The following AUTS2 variants were observed in gnomAD, a reference collection of about 807,000 sequenced individuals.
AUTS2 encodes the protein activator of transcription and developmental regulator AUTS2.
AUTS2 carries 17 observed loss-of-function variants against 112.4 expected under a neutral mutation model. The ratio of observed to expected loss-of-function variants is 0.15; its 90% CI spans 0.10 to 0.23. The LOEUF (loss-of-function observed/expected upper bound fraction) is 0.23. Among genes scored for constraint, AUTS2 ranks in the 10% least tolerant of loss-of-function variants. The pLI, the probability that AUTS2 is intolerant of heterozygous loss-of-function variation, is 1.00. For synonymous variants in AUTS2, 751 were observed against 702.7 expected, an observed-to-expected ratio of 1.07 and a Z score of -1.09; for missense variants, 1,510 against 1,701.6, an observed-to-expected ratio of 0.89 and a Z score of 1.98.
intron 1 of AUTS2, 70 bp downstream of exon 1, chr7:69,600,032 G>A (rs961655014): frequency 1.3e-6 from 2 of 1,495,288 alleles, no homozygotes; most frequent in Non-Finnish European, 9.2e-7. Context: ...CGGCTCTCCT[G>A]CCTCCCTCGC....
At chr7:70,443,133 G>A (rs907174642) in intron 5 of AUTS2, among the ~76,000 whole-genome samples, 6 of 152,138 alleles carry the variant, frequency 3.9e-5, no homozygotes, top group African/African-American at 1.4e-4. Context: ...AGTTATAAAT[G>A]TACAGATTTT....
chr7:70,435,963 A>G (rs1795877358), intron 5 of AUTS2, 182 bp downstream of exon 5: 1 of 559,308 alleles, frequency 1.8e-6, no homozygotes, highest in South Asian at 4.0e-5. Flanking sequence ...AATTTGTCAG[A>G]TCTACCTTTT....
At chr7:70,730,866 C>T (rs1168510604) in intron 6 of AUTS2, among the ~76,000 whole-genome samples, 1 of 152,226 alleles carries the variant, frequency 6.6e-6, no homozygotes, top group Non-Finnish European at 1.5e-5. Context: ...TTCATTCCCA[C>T]CAACAGTGTA....
rs75247283 is a variant in AUTS2, at chr7:69,935,411, A to G, written c.522+35913A>G. 3.2e-3 allele frequency among the ~76,000 whole-genome samples: 492 copies of G among 152,328 alleles called. 3 individuals carry two copies. The highest frequency in any genetic ancestry group is 0.011 in the African/African-American group (464 of 41,562). The stretch of plus-strand genomic sequence containing the variant: ...TTAAACTAGGTGAGTAGCCTTTTCA[A>G]AATTTTTTTAGGAAGCATTATTCTG... On this transcript the variant is annotated intron_variant, in intron 2 of 18. Coordinates refer to ENST00000342771, the MANE Select transcript of AUTS2 (RefSeq NM_015570.4).
At chr7:69,626,092 G>C (rs1325694407) in intron 1 of AUTS2, among the ~76,000 whole-genome samples, 1 of 152,136 alleles carries the variant, frequency 6.6e-6, no homozygotes, top group Non-Finnish European at 1.5e-5. Context: ...GTGTTCCTGA[G>C]TAGTTGTGAC....
intron 1 of AUTS2, among the ~76,000 whole-genome samples, chr7:69,889,618 G>C (rs1794430134): frequency 6.6e-6 from 1 of 152,152 alleles, no homozygotes; most frequent in Non-Finnish European, 1.5e-5. Flanking sequence ...GTCTTCTTCG[G>C]AAAAATGTCT....
intron 5 of AUTS2, among the ~76,000 whole-genome samples, chr7:70,472,463 T>G (rs1797428158): frequency 3.9e-5 from 6 of 152,052 alleles, no homozygotes; most frequent in Non-Finnish European, 8.8e-5. Flanking sequence ...TCTACCCAGT[T>G]GCTGGGTAAA....
chr7:70,535,011 A>G (rs1442014610), intron 5 of AUTS2, among the ~76,000 whole-genome samples: 1 of 150,304 alleles, frequency 6.7e-6, no homozygotes. Context: ...TATGAATACC[A>G]TAAACTATCA....
At chr7:69,817,671 A>G (rs1790821419) in intron 1 of AUTS2, among the ~76,000 whole-genome samples, 2 of 152,158 alleles carry the variant, frequency 1.3e-5, no homozygotes, top group Admixed American at 1.3e-4. Flanking sequence ...TTGGATTATG[A>G]GTAGCAGAAG....
intron 4 of AUTS2, among the ~76,000 whole-genome samples, chr7:70,260,082 A>G (rs1562829300): frequency 6.6e-6 from 1 of 152,032 alleles, no homozygotes; most frequent in African/African-American, 2.4e-5. Context: ...TAGATAATTT[A>G]TGGCCAGGCG....
intron 5 of AUTS2, among the ~76,000 whole-genome samples, chr7:70,539,823 G>A (rs981996910): frequency 2.0e-5 from 3 of 152,236 alleles, no homozygotes; most frequent in Middle Eastern, 3.4e-3. Flanking sequence ...CGGGAAGAAA[G>A]CACCCCACCA....
At chr7:70,273,471 TTTATTA>T (rs71077642) in intron 4 of AUTS2, among the ~76,000 whole-genome samples, 2 of 150,568 alleles carry the variant, frequency 1.3e-5, no homozygotes, top group Admixed American at 6.6e-5. Context: ...ACCTATAGCT[TTTATTA>T]TTATTATTAT....
intron 4 of AUTS2, among the ~76,000 whole-genome samples, chr7:70,368,145 GTTC>G (rs1444372774): frequency 1.3e-5 from 2 of 152,180 alleles, no homozygotes; most frequent in African/African-American, 2.4e-5. Context: ...CCTTGATCAA[GTTC>G]TTCTGTGAGC....
chr7:70,218,964 A>G (rs1392615493), intron 4 of AUTS2, among the ~76,000 whole-genome samples: 2 of 152,192 alleles, frequency 1.3e-5, no homozygotes, highest in Admixed American at 1.3e-4. Flanking sequence ...TAGTAGTAAG[A>G]TTTAGAGTAC....
rs113142022 is a variant in AUTS2, at chr7:70,187,822, G to A, written c.660+53251G>A. On this transcript the variant is annotated intron_variant, in intron 4 of 18. Coordinates refer to ENST00000342771, the MANE Select transcript of AUTS2 (RefSeq NM_015570.4). ...GAGACGGAGTCACTAGTCTTCTTTT[G>A]GAATCACATCAGGAAAGGGAAGTTG... Among the ~76,000 whole-genome samples the A allele has an allele frequency of 2.3e-3, 225 of 99,660 alleles. 6 individuals are homozygous for A. Among genetic ancestry groups the A allele is most frequent in the African/African-American group, 8.4e-3 (212 of 25,206 alleles). The allele number at this position is 99,660 out of a possible 152,430, so 65.4% of individuals were successfully genotyped here. A position where few individuals can be genotyped will look rare whatever the true frequency, so the allele number is the denominator to read the frequency against.
intron 5 of AUTS2, among the ~76,000 whole-genome samples, chr7:70,514,754 G>A (rs34178123): frequency 0.083 from 12,561 of 152,202 alleles, 619 homozygotes; most frequent in African/African-American, 0.13. Context: ...GAATTCATGC[G>A]TGTGCCTGGG....
chr7:70,281,876 A>C, intron 4 of AUTS2, among the ~76,000 whole-genome samples: 1 of 152,220 alleles, frequency 6.6e-6, no homozygotes, highest in African/African-American at 2.4e-5. Context: ...CCAGAACAGC[A>C]GTCTACTCTT....
intron 1 of AUTS2, among the ~76,000 whole-genome samples, chr7:69,733,970 C>T (rs1183182648): frequency 6.6e-6 from 1 of 152,142 alleles, no homozygotes; most frequent in Non-Finnish European, 1.5e-5. Flanking sequence ...TATTCAACCT[C>T]TTTTTAGCTG....
chr7:69,964,551 G>A (rs770397157), intron 2 of AUTS2, among the ~76,000 whole-genome samples: 2 of 151,986 alleles, frequency 1.3e-5, no homozygotes, highest in African/African-American at 4.8e-5. Flanking sequence ...AGGGGTCCTC[G>A]GTTTTCGTGA....
Sources: gnomAD v4.1 joint callset for allele counts (sites outside exome capture counted in the v4.1 genomes callset) on GRCh38, gnomAD v4.1.1 for gene constraint, MANE v1.5 for transcripts, NCBI Gene and HGNC (gene_info 2026-07-23, HGNC 2026-07-21) for gene names.